The following TMCC1 variants were observed in gnomAD, a reference collection of about 807,000 sequenced individuals.
TMCC1 encodes the protein transmembrane and coiled-coil domain family 1, also known as transmembrane and coiled-coil domains protein 1.
Under a neutral mutation model 52.4 loss-of-function variants are expected in TMCC1, and 15 were observed. The observed-to-expected ratio is 0.29, with a 90% CI of 0.19 to 0.44. The LOEUF (loss-of-function observed/expected upper bound fraction) is 0.44, where lower values mean the gene tolerates loss of function less well. TMCC1 is among the 20% of genes least tolerant of loss of function. TMCC1 has a pLI of 1.00. For missense variants in TMCC1, 503 were observed against 806.0 expected, an observed-to-expected ratio of 0.62 and a Z score of 4.55; for synonymous variants, 279 against 301.9, an observed-to-expected ratio of 0.92 and a Z score of 0.79.
chr3:129,842,786 TCTAAATAACCCATGATTAAAAG>T (rs1423643439), intron 2 of TMCC1, among the ~76,000 whole-genome samples: 1 of 152,198 alleles, frequency 6.6e-6, no homozygotes, highest in Non-Finnish European at 1.5e-5. Flanking sequence ...ACAATACACT[TCTAAATAACCCATGATTAAAAG>T]ATGAAGTCAT....
intron 4 of TMCC1, among the ~76,000 whole-genome samples, chr3:129,706,579 G>T (rs1208698870): frequency 2.0e-5 from 3 of 152,142 alleles, no homozygotes; most frequent in Non-Finnish European, 4.4e-5. Context: ...AAGAAACCCT[G>T]TACTGAGCTT....
intron 4 of TMCC1, among the ~76,000 whole-genome samples, chr3:129,808,891 A>C (rs2057628884): frequency 6.7e-6 from 1 of 150,162 alleles, no homozygotes; most frequent in Non-Finnish European, 1.5e-5. Context: ...CAAAAAGTTA[A>C]AATAAATTTT....
intron 4 of TMCC1, among the ~76,000 whole-genome samples, chr3:129,730,037 G>C (rs1006973608): frequency 2.0e-5 from 3 of 151,874 alleles, no homozygotes; most frequent in African/African-American, 2.4e-5. Flanking sequence ...TGTACTGATA[G>C]TGAATAACAG....
At chr3:129,706,963 C>T (rs1473219265) in intron 4 of TMCC1, among the ~76,000 whole-genome samples, 1 of 151,768 alleles carries the variant, frequency 6.6e-6, no homozygotes, top group Non-Finnish European at 1.5e-5. Context: ...CACAAGACAC[C>T]ACACCTAGCA....
At chr3:129,851,283 A>G (rs924283061) in intron 2 of TMCC1, among the ~76,000 whole-genome samples, 1 of 152,228 alleles carries the variant, frequency 6.6e-6, no homozygotes, top group Admixed American at 6.5e-5. Flanking sequence ...CTTTGGCTCC[A>G]GTGTATACTC....
intron 4 of TMCC1, among the ~76,000 whole-genome samples, chr3:129,698,373 T>C (rs2047565075): frequency 6.6e-6 from 1 of 152,124 alleles, no homozygotes; most frequent in African/African-American, 2.4e-5. Flanking sequence ...ATGATTAAAT[T>C]ACTTCCCACT....
intron 4 of TMCC1, among the ~76,000 whole-genome samples, chr3:129,769,161 G>A (rs932365601): frequency 4.6e-5 from 7 of 152,208 alleles, no homozygotes; most frequent in Non-Finnish European, 1.0e-4. Flanking sequence ...ATTGCCAGCG[G>A]GCCGCACGTG....
intron 4 of TMCC1, among the ~76,000 whole-genome samples, chr3:129,794,553 G>A (rs1186088107): frequency 1.3e-5 from 2 of 151,668 alleles, no homozygotes; most frequent in African/African-American, 2.4e-5. Context: ...CGTGGGAGAG[G>A]GCAGGGTGGG....
intron 4 of TMCC1, among the ~76,000 whole-genome samples, chr3:129,753,264 G>C (rs2052693664): frequency 6.6e-6 from 1 of 152,162 alleles, no homozygotes; most frequent in Admixed American, 6.5e-5. Context: ...TTTATCTGAA[G>C]TCCTAACTTT....
chr3:129,697,168 C>T (rs533276781), intron 4 of TMCC1, among the ~76,000 whole-genome samples: 1 of 152,230 alleles, frequency 6.6e-6, no homozygotes, highest in South Asian at 2.1e-4. Context: ...GGCTCTGCCC[C>T]TGCAGCAAAC....
intron 3 of TMCC1, among the ~76,000 whole-genome samples, chr3:129,829,452 C>CAAAAAA (rs138497403): frequency 1.4e-5 from 1 of 71,178 alleles, no homozygotes; most frequent in Admixed American, 1.8e-4. Flanking sequence ...AAATCACATG[C>CAAAAAA]AAAAAAAAAA....
chr3:129,768,165 A>G (rs928619990), intron 4 of TMCC1, among the ~76,000 whole-genome samples: 3 of 152,198 alleles, frequency 2.0e-5, no homozygotes, highest in Non-Finnish European at 2.9e-5. Context: ...TGACTGCACC[A>G]CTGTACTCCA....
In TMCC1 at chr3:129,650,211, C is replaced by T. The variant is rs2086239653; in HGVS notation, c.*1270G>A. 6.6e-6 allele frequency: 1 copy of T among 151,382 alleles called. No homozygotes were observed. The highest frequency in any genetic ancestry group is 1.5e-5 in the Non-Finnish European group (1 of 67,908). The allele number at this position is 151,382 out of a possible 1,614,324, so 9.4% of individuals were successfully genotyped here. ...GAAACACAAGGACTTATTTATGACT[C>T]TTATAGTCTCAACTTTTCCTAAAGA... On this transcript the variant is annotated 3_prime_UTR_variant, in exon 7 of 7. Transcript: ENST00000393238.
chr3:129,890,943 C>T (rs943575562), intron 1 of TMCC1, among the ~76,000 whole-genome samples: 3 of 152,110 alleles, frequency 2.0e-5, no homozygotes, highest in South Asian at 2.1e-4. Flanking sequence ...GAAGAGGAAA[C>T]GGAAAGGTAC....
chr3:129,770,433 T>C (rs1419630473), intron 4 of TMCC1, among the ~76,000 whole-genome samples: 2 of 152,026 alleles, frequency 1.3e-5, no homozygotes, highest in African/African-American at 4.8e-5. Flanking sequence ...GGAAGATTGC[T>C]TGAGCCCAGG....
At chr3:129,836,388 A>C (rs889536178) in intron 2 of TMCC1, among the ~76,000 whole-genome samples, 1 of 152,224 alleles carries the variant, frequency 6.6e-6, no homozygotes, top group Non-Finnish European at 1.5e-5. Context: ...ACAGCATCCA[A>C]TAATTGCAAA....
intron 4 of TMCC1, among the ~76,000 whole-genome samples, chr3:129,793,078 T>A (rs887297449): frequency 6.6e-6 from 1 of 152,096 alleles, no homozygotes; most frequent in African/African-American, 2.4e-5. Flanking sequence ...AAATGTACTA[T>A]ATATATGAAA....
chr3:129,892,124 C>G (rs891053113), intron 1 of TMCC1, among the ~76,000 whole-genome samples: 1 of 152,120 alleles, frequency 6.6e-6, no homozygotes, highest in South Asian at 2.1e-4. Context: ...AAATCTTAAT[C>G]AATGCTCATA....
In TMCC1 at chr3:129,649,372, A is replaced by G; in HGVS notation, c.*2109T>C. 6.6e-6 allele frequency: 1 copy of G among 152,230 alleles called. No homozygotes were observed. Among genetic ancestry groups the G allele is most frequent in the Admixed American group, 6.5e-5 (1 of 15,276 alleles). The allele number at this position is 152,230 out of a possible 1,614,324, so 9.4% of individuals were successfully genotyped here. A position where few individuals can be genotyped will look rare whatever the true frequency, so the allele number is the denominator to read the frequency against. On this transcript the variant is annotated 3_prime_UTR_variant, in exon 7 of 7. Transcript: ENST00000393238. ...TTAGGCAAAGTTAACATTTTAATAC[A>G]TATAGGCTTGGGGACAATTTGTTTT...
Sources: gnomAD v4.1 joint callset for allele counts (sites outside exome capture counted in the v4.1 genomes callset) on GRCh38, gnomAD v4.1.1 for gene constraint, MANE v1.5 for transcripts, NCBI Gene and HGNC (gene_info 2026-07-23, HGNC 2026-07-21) for gene names.